ITPK1: variants seen among roughly 807,000 people sequenced by gnomAD.
ITPK1 encodes the protein inositol-tetrakisphosphate 1-kinase.
A neutral mutation model predicts 45.3 loss-of-function variants in ITPK1; 21 were observed. That is an observed-to-expected ratio of 0.46 (90% CI 0.33 to 0.67). ITPK1 has a LOEUF of 0.67. Among genes scored for constraint, ITPK1 ranks in the 30% least tolerant of loss-of-function variants. The pLI is 0.02. For missense variants in ITPK1, 474 were observed against 573.5 expected (o/e 0.83, Z 1.77); for synonymous variants, 258 against 253.6 (o/e 1.02, Z -0.16).
chr14:92,992,040 C>G (rs1401088502), intron 5 of ITPK1, among the ~76,000 whole-genome samples: 1 of 152,212 alleles, frequency 6.6e-6, no homozygotes, highest in Non-Finnish European at 1.5e-5. Flanking sequence ...ACGTGGCTAA[C>G]AAGAGCCCAG....
chr14:93,057,098 G>A (rs762728534), intron 3 of ITPK1, among the ~76,000 whole-genome samples: 12 of 152,252 alleles, frequency 7.9e-5, no homozygotes, highest in Middle Eastern at 6.8e-3. Context: ...ACCATAGGCC[G>A]AGGATGAGTA....
At chr14:93,046,400 T>C (rs1242243518) in intron 3 of ITPK1, among the ~76,000 whole-genome samples, 3 of 152,152 alleles carry the variant, frequency 2.0e-5, no homozygotes, top group Non-Finnish European at 4.4e-5. Flanking sequence ...CAAGCTTCCT[T>C]TCCCACATGG....
At position 93,018,855 on chromosome 14, in the gene ITPK1, G is replaced by C; in HGVS notation, c.121-2054C>G. Among the ~76,000 whole-genome samples the C allele has an allele frequency of 1.3e-5, 2 of 152,228 alleles. 1 individual carries two copies. The highest frequency in any genetic ancestry group is 3.9e-4 in the East Asian group (2 of 5,190). On this transcript the variant is annotated intron_variant, in intron 3 of 10. Transcript: ENST00000267615. ...GCCATGCAGGTGAAGCGGCCAGGATGGAGGCTGTGCAGCAATGCCCATGTG... is the reference window on the plus strand; with the variant it reads ...GCCATGCAGGTGAAGCGGCCAGGATCGAGGCTGTGCAGCAATGCCCATGTG...
At chr14:93,100,920 C>T (rs1260371294) in intron 2 of ITPK1, among the ~76,000 whole-genome samples, 1 of 152,216 alleles carries the variant, frequency 6.6e-6, no homozygotes, top group Non-Finnish European at 1.5e-5. Flanking sequence ...GCCTGAAGCA[C>T]ATGCAGAAGC....
At chr14:92,989,347 A>G (rs1886660911) in intron 5 of ITPK1, among the ~76,000 whole-genome samples, 1 of 152,166 alleles carries the variant, frequency 6.6e-6, no homozygotes, top group Non-Finnish European at 1.5e-5. Context: ...AGAGAAGAAG[A>G]ACAGGAGAGC....
At chr14:93,107,251 C>A (rs1003465946) in intron 2 of ITPK1, among the ~76,000 whole-genome samples, 7 of 152,218 alleles carry the variant, frequency 4.6e-5, no homozygotes, top group Non-Finnish European at 7.3e-5. Context: ...AGCCATCACA[C>A]CCAGCCACTA....
chr14:93,108,422 A>C (rs1892609162), intron 2 of ITPK1, among the ~76,000 whole-genome samples: 1 of 152,216 alleles, frequency 6.6e-6, no homozygotes, highest in South Asian at 2.1e-4. Flanking sequence ...AATGTCCCAA[A>C]CCTGCTAAAC....
chr14:92,940,341 C>T lies in ITPK1; in HGVS notation c.*1220G>A, dbSNP rs1887296281. On this transcript the variant is annotated 3_prime_UTR_variant, in exon 11 of 11. Coordinates refer to ENST00000267615, the MANE Select transcript of ITPK1 (RefSeq NM_014216.6). ...TTCCAGGACTGCAGAGGCTTCTCCC[C>T]AACCCTTTTCTCTGCAGAGGGGGCT... The T allele has an allele frequency of 2.0e-6, 2 of 1,002,288 alleles. No homozygotes were observed. The highest frequency in any genetic ancestry group is 1.2e-6 in the Non-Finnish European group (1 of 839,774). The allele number at this position is 1,002,288 out of a possible 1,614,324, so 62.1% of individuals were successfully genotyped here. A position where few individuals can be genotyped will look rare whatever the true frequency, so the allele number is the denominator to read the frequency against.
At chr14:93,114,384 A>C (rs1439421478) in intron 2 of ITPK1, among the ~76,000 whole-genome samples, 1 of 152,192 alleles carries the variant, frequency 6.6e-6, no homozygotes, top group African/African-American at 2.4e-5. Flanking sequence ...TTTACCCAGC[A>C]CTTTCTACGC....
At chr14:92,963,120 T>C (rs924004482) in intron 5 of ITPK1, among the ~76,000 whole-genome samples, 1 of 152,226 alleles carries the variant, frequency 6.6e-6, no homozygotes, top group African/African-American at 2.4e-5. Flanking sequence ...AAAATGTACA[T>C]ATTGACAAGA....
At chr14:93,096,236 TCCTTTCTGACCTG>T (rs1892075682) in intron 2 of ITPK1, among the ~76,000 whole-genome samples, 1 of 152,184 alleles carries the variant, frequency 6.6e-6, no homozygotes, top group Non-Finnish European at 1.5e-5. Context: ...TGCGACTGAC[TCCTTTCTGACCTG>T]TCAGCAGCAG....
intron 4 of ITPK1, among the ~76,000 whole-genome samples, chr14:93,015,283 A>G (rs897229942): frequency 1.1e-4 from 16 of 152,286 alleles, no homozygotes; most frequent in African/African-American, 3.8e-4. Flanking sequence ...CTGCTTATCA[A>G]CAAGGCTGGT....
rs1050468119 is a variant in ITPK1 at position 92,941,362 on chromosome 14, A to G, written c.*199T>C. 1 of 1,413,002 alleles carries G rather than the reference A, an allele frequency of 7.1e-7. No individual in the cohort carries two copies. The highest frequency in any genetic ancestry group is 9.2e-7 in the Non-Finnish European group (1 of 1,091,218). The allele number at this position is 1,413,002 out of a possible 1,614,324, so 87.5% of individuals were successfully genotyped here. On this transcript the variant is annotated 3_prime_UTR_variant, in exon 11 of 11. Coordinates refer to ENST00000267615, the MANE Select transcript of ITPK1 (RefSeq NM_014216.6). ...AGCAGGCGGACGGCCCCACTCCCCAACGGTGGACCACCTGGTACTCTCTTC... is the reference window on the plus strand; with the variant it reads ...AGCAGGCGGACGGCCCCACTCCCCAGCGGTGGACCACCTGGTACTCTCTTC...
intron 4 of ITPK1, among the ~76,000 whole-genome samples, chr14:93,000,050 T>C (rs1887258349): frequency 6.6e-6 from 1 of 152,232 alleles, no homozygotes; most frequent in Non-Finnish European, 1.5e-5. Flanking sequence ...TGTTTTAAAA[T>C]GCATCCATGT....
chr14:93,086,544 A>G (rs1891657268), intron 2 of ITPK1, among the ~76,000 whole-genome samples: 2 of 152,224 alleles, frequency 1.3e-5, no homozygotes, highest in Non-Finnish European at 2.9e-5. Context: ...GGGACCCCAG[A>G]CCGCAAACCC....
chr14:92,988,177 C>G (rs925048489), intron 5 of ITPK1, among the ~76,000 whole-genome samples: 1 of 152,230 alleles, frequency 6.6e-6, no homozygotes, highest in Non-Finnish European at 1.5e-5. Context: ...CTCCCTGGCA[C>G]CCTGTCCTCC....
chr14:93,053,873 A>C (rs1468465268), intron 3 of ITPK1, among the ~76,000 whole-genome samples: 2 of 152,292 alleles, frequency 1.3e-5, no homozygotes, highest in Non-Finnish European at 2.9e-5. Flanking sequence ...GCCTGGGCTG[A>C]TGTTTGGGAG....
chr14:93,082,382 G>C (rs761593398), intron 2 of ITPK1, among the ~76,000 whole-genome samples: 12 of 152,180 alleles, frequency 7.9e-5, no homozygotes, highest in Non-Finnish European at 1.6e-4. Context: ...ACACAATTCG[G>C]GGGCGTAGGC....
chr14:92,976,286 G>GCT (rs1340872697), intron 5 of ITPK1, among the ~76,000 whole-genome samples: 2 of 152,174 alleles, frequency 1.3e-5, no homozygotes, highest in South Asian at 4.1e-4. Flanking sequence ...GACCCTAAAT[G>GCT]CTGTTCCCTT....
Sources: allele counts gnomAD v4.1 joint callset (sites outside exome capture counted in the v4.1 genomes callset), GRCh38; gene constraint gnomAD v4.1.1; transcripts MANE v1.5; gene names NCBI Gene and HGNC (gene_info 2026-07-23, HGNC 2026-07-21).